CACNA2D3: variants seen among roughly 807,000 people sequenced by gnomAD.
The protein encoded by CACNA2D3 is calcium voltage-gated channel auxiliary subunit alpha2delta 3.
Under a neutral mutation model 160.6 loss-of-function variants are expected in CACNA2D3, and 60 were observed. The ratio of observed to expected loss-of-function variants is 0.37; its 90% confidence interval spans 0.30 to 0.46. The LOEUF (loss-of-function observed/expected upper bound fraction) is 0.46, where lower values mean the gene tolerates loss of function less well. Among genes scored for constraint, CACNA2D3 ranks in the 20% least tolerant of loss-of-function variants. The probability of loss-of-function intolerance (pLI) is 1.00; values close to 1 mark genes in which losing one functional copy is unlikely to be tolerated. For missense variants in CACNA2D3, 1,205 were observed against 1,365.0 expected, an observed-to-expected ratio of 0.88 and a Z score of 1.85; for synonymous variants, 558 against 492.9, an observed-to-expected ratio of 1.13 and a Z score of -1.75.
chr3:54,621,882 G>A (rs62255532), intron 9 of CACNA2D3, among the ~76,000 whole-genome samples: 25,728 of 152,170 alleles, frequency 0.17, 2,878 homozygotes, highest in Non-Finnish European at 0.24. Context: ...TGTTGAAGAC[G>A]GTCCTTTCTT....
At chr3:54,379,474 ACT>A (rs1699064234) in intron 3 of CACNA2D3, among the ~76,000 whole-genome samples, 3 of 152,144 alleles carry the variant, frequency 2.0e-5, no homozygotes, top group Admixed American at 2.0e-4. Context: ...TTCAGCTATG[ACT>A]CTAACTGCAG....
At chr3:54,819,601 C>G (rs962053421) in intron 14 of CACNA2D3, among the ~76,000 whole-genome samples, 2 of 152,172 alleles carry the variant, frequency 1.3e-5, no homozygotes, top group South Asian at 4.1e-4. Context: ...AATCCTAGTG[C>G]TTTGGGAGGC....
chr3:54,510,709 T>C (rs1234505060), intron 5 of CACNA2D3, among the ~76,000 whole-genome samples: 2 of 152,156 alleles, frequency 1.3e-5, no homozygotes, highest in Middle Eastern at 3.2e-3. Flanking sequence ...ATCAGCATGG[T>C]GGACTAGAAA....
At chr3:54,659,934 G>A (rs1699937483) in intron 11 of CACNA2D3, among the ~76,000 whole-genome samples, 1 of 152,082 alleles carries the variant, frequency 6.6e-6, no homozygotes, top group Admixed American at 6.5e-5. Context: ...GCCAAAGCAT[G>A]GTGTCTGCAT....
chr3:54,850,811 C>T (rs1699042013), intron 17 of CACNA2D3, among the ~76,000 whole-genome samples: 1 of 152,182 alleles, frequency 6.6e-6, no homozygotes, highest in Non-Finnish European at 1.5e-5. Context: ...TCTGCAAACC[C>T]AGGAGATGAG....
chr3:54,510,165 G>A (rs1257227755), intron 5 of CACNA2D3, among the ~76,000 whole-genome samples: 1 of 152,028 alleles, frequency 6.6e-6, no homozygotes, highest in Admixed American at 6.6e-5. Context: ...ATGGATGAAG[G>A]GTGGGTGAGT....
At chr3:54,358,741 A>C (rs1698692440) in intron 3 of CACNA2D3, among the ~76,000 whole-genome samples, 1 of 152,252 alleles carries the variant, frequency 6.6e-6, no homozygotes, top group South Asian at 2.1e-4. Flanking sequence ...TTGTCTATGA[A>C]TCAAAAACGC....
intron 2 of CACNA2D3, among the ~76,000 whole-genome samples, chr3:54,301,577 A>G (rs1359840440): frequency 1.3e-5 from 2 of 152,262 alleles, no homozygotes; most frequent in African/African-American, 4.8e-5. Flanking sequence ...ATCATTTAAT[A>G]TTATGAAAGT....
chr3:54,300,253 G>C (rs1295537877), intron 2 of CACNA2D3, among the ~76,000 whole-genome samples: 1 of 152,202 alleles, frequency 6.6e-6, no homozygotes, highest in Non-Finnish European at 1.5e-5. Flanking sequence ...CTTGTTGGTT[G>C]ACAGCAGCAG....
intron 35 of CACNA2D3, among the ~76,000 whole-genome samples, chr3:55,023,868 A>T (rs1190882750): frequency 1.3e-5 from 2 of 151,394 alleles, no homozygotes; most frequent in South Asian, 4.2e-4. Context: ...TCCTATTCAG[A>T]GCCTCAGAGA....
intron 9 of CACNA2D3, among the ~76,000 whole-genome samples, chr3:54,583,163 C>T (rs1158408616): frequency 3.9e-5 from 6 of 152,142 alleles, no homozygotes; most frequent in Non-Finnish European, 8.8e-5. Flanking sequence ...ATTGTAATAT[C>T]CTCCAGAGCC....
chr3:54,976,926 G>T (rs1180174353), intron 29 of CACNA2D3, among the ~76,000 whole-genome samples: 1 of 152,090 alleles, frequency 6.6e-6, no homozygotes, highest in Non-Finnish European at 1.5e-5. Flanking sequence ...AAGAAGAAAG[G>T]TCAGAAAAAG....
intron 13 of CACNA2D3, among the ~76,000 whole-genome samples, chr3:54,785,631 G>C (rs1361063933): frequency 6.6e-6 from 1 of 152,168 alleles, no homozygotes; most frequent in African/African-American, 2.4e-5. Context: ...GGGAAATTGA[G>C]AAGCCAACAA....
chr3:54,771,046 G>A (rs1317450), intron 13 of CACNA2D3, among the ~76,000 whole-genome samples: 1 of 151,928 alleles, frequency 6.6e-6, no homozygotes, highest in Non-Finnish European at 1.5e-5. Context: ...TGATTTGTTT[G>A]TGTCATCCTT....
chr3:54,498,957 A>C (rs1407659510), intron 4 of CACNA2D3, among the ~76,000 whole-genome samples: 1 of 152,052 alleles, frequency 6.6e-6, no homozygotes, highest in African/African-American at 2.4e-5. Context: ...TTGATTTCTA[A>C]ATTTAGCTCA....
chr3:54,917,754 G>A (rs962942312), intron 27 of CACNA2D3, among the ~76,000 whole-genome samples: 1 of 152,108 alleles, frequency 6.6e-6, no homozygotes, highest in Non-Finnish European at 1.5e-5. Context: ...TTGTTTATAT[G>A]TTATTTACCC....
chr3:54,515,201 A>T (rs11717736), intron 5 of CACNA2D3, among the ~76,000 whole-genome samples: 931 of 85,998 alleles, frequency 0.011, 6 homozygotes, highest in African/African-American at 0.018. Context: ...TGTGTGTGTG[A>T]GAGAGAGAGA....
intron 11 of CACNA2D3, among the ~76,000 whole-genome samples, chr3:54,692,296 T>C (rs1700586052): frequency 6.6e-6 from 1 of 152,208 alleles, no homozygotes; most frequent in South Asian, 2.1e-4. Flanking sequence ...TAATTTCTTT[T>C]GATCCATCAG....
At chr3:54,531,308 A>G (rs986008201) in intron 5 of CACNA2D3, among the ~76,000 whole-genome samples, 3 of 152,256 alleles carry the variant, frequency 2.0e-5, no homozygotes, top group Non-Finnish European at 4.4e-5. Context: ...CTTCAGAATT[A>G]CAGGTAGTCC....
Sources: gnomAD v4.1 joint callset for allele counts (sites outside exome capture counted in the v4.1 genomes callset) on GRCh38, gnomAD v4.1.1 for gene constraint, MANE v1.5 for transcripts, NCBI Gene and HGNC (gene_info 2026-07-23, HGNC 2026-07-21) for gene names.